Variants in TSEN15 observed in about 807,000 individuals in gnomAD.
TSEN15 encodes the protein tRNA splicing endonuclease subunit 15.
In TSEN15, 10 loss-of-function variants were observed where a neutral mutation model predicts 20.5. The observed-to-expected ratio is 0.49, with a 90% CI of 0.30 to 0.83. The LOEUF (loss-of-function observed/expected upper bound fraction) is 0.83. Among genes scored for constraint, TSEN15 ranks in the 40% least tolerant of loss-of-function variants. TSEN15 has a pLI of 0.06. For synonymous variants in TSEN15, 72 were observed against 80.1 expected (o/e 0.90, Z 0.54); for missense variants, 180 against 218.6 (o/e 0.82, Z 1.11).
chr1:184,052,604 C>T (rs1650096866), intron 1 of TSEN15, among the ~76,000 whole-genome samples: 1 of 152,098 alleles, frequency 6.6e-6, no homozygotes, highest in Non-Finnish European at 1.5e-5. Context: ...CAGAATTGCA[C>T]TCTTCTGCTA....
chr1:184,067,029 G>A (rs1009564366), intron 3 of TSEN15, among the ~76,000 whole-genome samples: 2 of 152,280 alleles, frequency 1.3e-5, no homozygotes, highest in South Asian at 2.1e-4. Flanking sequence ...TGATGCTGAT[G>A]TAAATGGTGT....
chr1:184,068,322 A>T (rs543418320), intron 3 of TSEN15, among the ~76,000 whole-genome samples: 7 of 152,238 alleles, frequency 4.6e-5, no homozygotes, highest in Middle Eastern at 3.4e-3. Flanking sequence ...CTGAAAGCAT[A>T]ATCCTTATTA....
chr1:184,077,607 C>G (rs759062283), downstream of TSEN15, among the ~76,000 whole-genome samples: 59 of 152,102 alleles, frequency 3.9e-4, no homozygotes, highest in Non-Finnish European at 6.0e-4. Context: ...GACTGACAAC[C>G]TTCCAGAAAA....
At chr1:184,070,623 C>A in intron 3 of TSEN15, 6 of 1,270,860 alleles carry the variant, frequency 4.7e-6, no homozygotes, top group Non-Finnish European at 6.2e-6. Flanking sequence ...TAGATATTGG[C>A]GTGCCACTTT....
intron 3 of TSEN15, among the ~76,000 whole-genome samples, chr1:184,069,949 A>T (rs1650823661): frequency 1.3e-5 from 2 of 151,868 alleles, no homozygotes; most frequent in Admixed American, 1.3e-4. Flanking sequence ...CCAACCAAAT[A>T]CCATAAACAA....
At chr1:184,087,952 A>C (rs1273379644) in intron 3 of TSEN15, among the ~76,000 whole-genome samples, 1 of 152,144 alleles carries the variant, frequency 6.6e-6, no homozygotes, top group African/African-American at 2.4e-5. Flanking sequence ...TGGACAGTGG[A>C]TGGATAAATC....
At chr1:184,071,996 T>C (rs1650900249) in intron 3 of TSEN15, 161 bp from the exon 4 acceptor site, 1 of 605,190 alleles carries the variant, frequency 1.7e-6, no homozygotes, top group Non-Finnish European at 2.7e-6. Flanking sequence ...TTTGATACTA[T>C]ACCAGAAGAC....
chr1:184,082,762 A>T (rs1017968063), intron 3 of TSEN15, among the ~76,000 whole-genome samples: 2 of 152,064 alleles, frequency 1.3e-5, no homozygotes, highest in Non-Finnish European at 2.9e-5. Flanking sequence ...CCATTTCCAG[A>T]TCAATTTTCC....
At chr1:184,059,939 C>G (rs987720254) in intron 3 of TSEN15, among the ~76,000 whole-genome samples, 1 of 152,214 alleles carries the variant, frequency 6.6e-6, no homozygotes, top group Admixed American at 6.5e-5. Flanking sequence ...TACACTTGCA[C>G]TTGCAATGTG....
At chr1:184,072,064 G>T in intron 3 of TSEN15, 93 bp from the exon 4 acceptor site, 4 of 1,287,716 alleles carry the variant, frequency 3.1e-6, no homozygotes, top group South Asian at 3.4e-5. Context: ...GGTTTCTTGT[G>T]ACCTGTTTTC....
chr1:184,077,500 G>A (rs970010807), downstream of TSEN15, among the ~76,000 whole-genome samples: 1 of 152,176 alleles, frequency 6.6e-6, no homozygotes, highest in African/African-American at 2.4e-5. Flanking sequence ...AGGTCAAGGA[G>A]TGATTTTGAC....
chr1:184,078,015 T>C (rs953180852), downstream of TSEN15, among the ~76,000 whole-genome samples: 3 of 152,196 alleles, frequency 2.0e-5, no homozygotes, highest in Admixed American at 6.6e-5. Context: ...AATATTTTAC[T>C]GTGGGTAAAA....
chr1:184,067,941 A>AATATATAT (rs58463457), intron 3 of TSEN15, among the ~76,000 whole-genome samples: 29 of 95,568 alleles, frequency 3.0e-4, no homozygotes, highest in Admixed American at 5.8e-4. Flanking sequence ...AAAAAAAAAA[A>AATATATAT]ATATATATAT....
downstream of TSEN15, among the ~76,000 whole-genome samples, chr1:184,076,663 A>G (rs1180149224): frequency 6.6e-6 from 1 of 152,198 alleles, no homozygotes; most frequent in Non-Finnish European, 1.5e-5. Flanking sequence ...GTGAATGCAA[A>G]TGAAAAGTTA....
downstream of TSEN15, among the ~76,000 whole-genome samples, chr1:184,078,757 T>A (rs1001303852): frequency 1.3e-5 from 2 of 152,192 alleles, no homozygotes; most frequent in Admixed American, 6.5e-5. Context: ...ATCTGCAAAG[T>A]TCACGTAGTC....
chr1:184,056,975 T>G (rs901622817), intron 3 of TSEN15, among the ~76,000 whole-genome samples: 2 of 152,184 alleles, frequency 1.3e-5, no homozygotes, highest in Non-Finnish European at 2.9e-5. Flanking sequence ...TGGCTTCTCC[T>G]AATTCTGGTA....
intron 3 of TSEN15, among the ~76,000 whole-genome samples, chr1:184,079,546 G>A (rs1052971583): frequency 9.2e-5 from 14 of 152,068 alleles, no homozygotes; most frequent in African/African-American, 3.1e-4. Context: ...CCTTTCCTCT[G>A]TGGGGCATGG....
At chr1:184,090,776 G>C (rs754167056) in intron 3 of TSEN15, among the ~76,000 whole-genome samples, 27 of 152,286 alleles carry the variant, frequency 1.8e-4, no homozygotes, top group Admixed American at 5.9e-4. Flanking sequence ...GGGGAGAAAA[G>C]GTGTTCCATC....
chr1:184,091,415 T>C (rs975495815), intron 3 of TSEN15, among the ~76,000 whole-genome samples: 18 of 151,824 alleles, frequency 1.2e-4, no homozygotes, highest in African/African-American at 4.4e-4. Flanking sequence ...ATTTCTAAAA[T>C]AGTGATGATA....
Sources: gnomAD v4.1 joint callset for allele counts (sites outside exome capture counted in the v4.1 genomes callset) on GRCh38, gnomAD v4.1.1 for gene constraint, MANE v1.5 for transcripts, NCBI Gene and HGNC (gene_info 2026-07-23, HGNC 2026-07-21) for gene names.